FAM151B: variants seen among roughly 807,000 people sequenced by gnomAD.
The protein encoded by FAM151B is protein FAM151B.
FAM151B carries 24 observed loss-of-function variants against 31.2 expected under a neutral mutation model. The ratio of observed to expected loss-of-function variants is 0.77; its 90% CI spans 0.56 to 1.08. The LOEUF is 1.08. Among genes scored for constraint, FAM151B ranks in the 50% least tolerant of loss-of-function variants. The pLI, the probability that FAM151B is intolerant of heterozygous loss-of-function variation, is 0.00. For missense variants in FAM151B, 293 were observed against 328.6 expected, an observed-to-expected ratio of 0.89 and a Z score of 0.84; for synonymous variants, 105 against 111.4, an observed-to-expected ratio of 0.94 and a Z score of 0.36.
intron 2 of FAM151B, among the ~76,000 whole-genome samples, chr5:80,507,488 C>T (rs1433706436): frequency 3.9e-5 from 6 of 152,052 alleles, no homozygotes; most frequent in Admixed American, 3.9e-4. Context: ...TGAGACCAGC[C>T]TGGGCAACAT....
chr5:80,495,786 G>A (rs173597), intron 1 of FAM151B, among the ~76,000 whole-genome samples: 115,217 of 147,088 alleles, frequency 0.78, 47,941 homozygotes, highest in East Asian at 0.92. Flanking sequence ...GCCGAGATGC[G>A]CCACACTGCA....
chr5:80,496,799 ATTTTTTTTTTTTTT>A (rs367658683), intron 1 of FAM151B, among the ~76,000 whole-genome samples: 2 of 57,738 alleles, frequency 3.5e-5, no homozygotes, highest in East Asian at 6.4e-4. Context: ...TTTTTGCTTA[ATTTTTTTTTTTTTT>A]TTTTTTTTTT....
intron 3 of FAM151B, among the ~76,000 whole-genome samples, chr5:80,515,381 A>G (rs1322608694): frequency 6.6e-6 from 1 of 152,242 alleles, no homozygotes; most frequent in Non-Finnish European, 1.5e-5. Flanking sequence ...AAGCTTTGAC[A>G]GGTAAGCTAC....
chr5:80,513,352 T>G (rs938249850), intron 2 of FAM151B, among the ~76,000 whole-genome samples: 11 of 152,232 alleles, frequency 7.2e-5, no homozygotes, highest in Admixed American at 5.9e-4. Flanking sequence ...ATTCAGAATT[T>G]GTATGTCAAC....
intron 5 of FAM151B, among the ~76,000 whole-genome samples, chr5:80,530,293 A>T (rs1364381031): frequency 6.6e-6 from 1 of 152,146 alleles, no homozygotes; most frequent in Admixed American, 6.5e-5. Context: ...TGAATGGGCA[A>T]AAACTGGAAG....
Position 80,498,017 on chromosome 5 carries a change from T to C in FAM151B, c.26-3775T>C, listed in dbSNP as rs56118103. Among the ~76,000 whole-genome samples the C allele has an allele frequency of 9.4e-3, 1,426 of 152,338 alleles. 26 individuals are homozygous for C. The highest frequency in any genetic ancestry group is 0.033 in the African/African-American group (1,391 of 41,570). ...ACCAACATTTAGGTTTTTCTGGTAA[T>C]GTAATGCTTATCAGTCCTCTAAATC... is the stretch of plus-strand genomic sequence containing the variant. On this transcript the variant is annotated intron_variant, in intron 1 of 5. Transcript: ENST00000282226.
At chr5:80,494,892 A>G (rs951734157) in intron 1 of FAM151B, among the ~76,000 whole-genome samples, 2 of 152,186 alleles carry the variant, frequency 1.3e-5, no homozygotes, top group Admixed American at 6.5e-5. Flanking sequence ...CTAGAGGGGA[A>G]AAGCCAATAT....
In FAM151B at chr5:80,538,438, TTCTTTCTTTC is replaced by T. The variant is rs1227848607; in HGVS notation, c.672-3223_672-3214del. Among the ~76,000 whole-genome samples the T allele has an allele frequency of 2.0e-3, 112 of 55,686 alleles. 1 individual carries two copies. Among genetic ancestry groups the T allele is most frequent in the African/African-American group, 8.3e-3 (83 of 10,018 alleles). The allele number at this position is 55,686 out of a possible 152,430, so 36.5% of individuals were successfully genotyped here. A position where few individuals can be genotyped will look rare whatever the true frequency, so the allele number is the denominator to read the frequency against. On this transcript the variant is annotated intron_variant, in intron 5 of 5. Coordinates refer to ENST00000282226, the MANE Select transcript of FAM151B (RefSeq NM_205548.3). ...TTTCTTTCTTTCTTTCTTTCTTTCT[TTCTTTCTTTC>T]TCTTTCTTTCTTTCTTTCTTTCTTT...
chr5:80,508,163 T>C (rs1047151772), intron 2 of FAM151B, among the ~76,000 whole-genome samples: 2 of 152,244 alleles, frequency 1.3e-5, no homozygotes, highest in Admixed American at 6.5e-5. Context: ...ACATTTTGTT[T>C]ATCCATTCAT....
rs1337453756 is a variant in FAM151B at position 80,494,461 on chromosome 5, TTTC to T, written c.25+6316_25+6318del. ...TCTTTCTTTTTCTTTCTTTCTTTTC[TTTC>T]TTTCTTTCTTTCTTTCTTTCTTTCT... On this transcript the variant is annotated intron_variant, in intron 1 of 5. Coordinates refer to ENST00000282226, the MANE Select transcript of FAM151B (RefSeq NM_205548.3). Among the ~76,000 whole-genome samples, 124 of 43,514 alleles carry T rather than the reference TTTC, an allele frequency of 2.8e-3. 1 individual carries two copies. Among genetic ancestry groups the T allele is most frequent in the African/African-American group, 8.5e-3 (78 of 9,186 alleles). 28.5% of individuals were successfully genotyped at this position (43,514 alleles called of 152,430 possible). A position where few individuals can be genotyped will look rare whatever the true frequency, so the allele number is the denominator to read the frequency against.
At chr5:80,538,566 TTCCTTCCC>T (rs1385115188) in intron 5 of FAM151B, among the ~76,000 whole-genome samples, 61 of 120,120 alleles carry the variant, frequency 5.1e-4, no homozygotes, top group Admixed American at 8.3e-4. Context: ...CCTTCCTTCC[TTCCTTCCC>T]TCCCTTCCTT....
At chr5:80,513,889 CTGAACCTAAA>C in intron 3 of FAM151B, 120 bp downstream of exon 3, 1 of 1,035,628 alleles carries the variant, frequency 9.7e-7, no homozygotes, top group Non-Finnish European at 1.3e-6. Flanking sequence ...TATTTCAGGA[CTGAACCTAAA>C]TGAACCTAAG....
rs1744287291 is a variant in FAM151B at position 80,513,665 on chromosome 5, G to A, written c.213G>A (p.Gln71=). 1.9e-6 allele frequency: 3 copies of A among 1,614,130 alleles called. No individual in the cohort carries two copies. The highest frequency in any genetic ancestry group is 2.5e-6 in the Non-Finnish European group (3 of 1,180,020). The change falls in exon 3 of 6, where the codon CAG becomes CAA. Residue 71 remains glutamine, a synonymous_variant. Coordinates refer to ENST00000282226, the MANE Select transcript of FAM151B (RefSeq NM_205548.3). ...LLPSDGSEHS[Q]PIMAHPPETN... ...CAAGTGATGGATCAGAACACAGCCA[G>A]CCAATTATGGCCCATCCCCCTGAAA...
intron 5 of FAM151B, among the ~76,000 whole-genome samples, chr5:80,530,556 A>G (rs752282170): frequency 3.6e-4 from 55 of 152,226 alleles, no homozygotes; most frequent in Admixed American, 2.8e-3. Flanking sequence ...TACAAAATCA[A>G]TGTGCCAAAA....
At chr5:80,501,513 A>G in intron 1 of FAM151B, 1 of 403,020 alleles carries the variant, frequency 2.5e-6, no homozygotes. Context: ...TCTAATGTGC[A>G]ACATGAGGAC....
At chr5:80,502,651 G>T (rs775065377) in intron 2 of FAM151B, among the ~76,000 whole-genome samples, 3 of 152,132 alleles carry the variant, frequency 2.0e-5, no homozygotes, top group Non-Finnish European at 4.4e-5. Flanking sequence ...CAGGAAAGGA[G>T]AAAGAAAGCA....
intron 1 of FAM151B, among the ~76,000 whole-genome samples, chr5:80,499,703 C>T (rs1028882264): frequency 6.6e-6 from 1 of 151,584 alleles, no homozygotes; most frequent in Non-Finnish European, 1.5e-5. Context: ...TATATGTCTA[C>T]TAATTATTAC....
rs181421446 is a variant in FAM151B, at chr5:80,510,217, T to C, written c.152-3387T>C. On this transcript the variant is annotated intron_variant, in intron 2 of 5. Coordinates refer to ENST00000282226, the MANE Select transcript of FAM151B (RefSeq NM_205548.3). ...ATGTAGTACGGGCTTAGGACGTTCA[T>C]GTAGCTGCATTCAGCTGGGTGCCCA... 2.6e-3 allele frequency among the ~76,000 whole-genome samples: 403 copies of C among 152,326 alleles called. 2 individuals are homozygous for C. Among genetic ancestry groups the C allele is most frequent in the Non-Finnish European group, 4.4e-3 (298 of 68,038 alleles).
At chr5:80,514,572 C>T (rs2112629926) in intron 3 of FAM151B, among the ~76,000 whole-genome samples, 1 of 151,474 alleles carries the variant, frequency 6.6e-6, no homozygotes, top group African/African-American at 2.4e-5. Flanking sequence ...ATTTCCTTCA[C>T]TGTGGCCATC....
Sources: allele counts gnomAD v4.1 joint callset (sites outside exome capture counted in the v4.1 genomes callset), GRCh38; gene constraint gnomAD v4.1.1; transcripts MANE v1.5; gene names NCBI Gene and HGNC (gene_info 2026-07-23, HGNC 2026-07-21).